Variants in GAS2 observed in about 807,000 individuals in gnomAD.
GAS2 encodes growth arrest-specific protein 2.
A neutral mutation model predicts 37.5 loss-of-function variants in GAS2; 20 were observed. The ratio of observed to expected loss-of-function variants is 0.53; its 90% CI spans 0.37 to 0.77. The LOEUF (loss-of-function observed/expected upper bound fraction) is 0.77. GAS2 is among the 30% of genes least tolerant of loss of function. GAS2 has a pLI of 0.00. For missense variants in GAS2, 336 were observed against 373.4 expected (o/e 0.90, Z 0.82); for synonymous variants, 144 against 132.2 (o/e 1.09, Z -0.61).
intron 2 of GAS2, among the ~76,000 whole-genome samples, chr11:22,678,468 C>T (rs531187588): frequency 1.3e-5 from 2 of 151,892 alleles, no homozygotes; most frequent in South Asian, 4.2e-4. Context: ...AGAGATAAAA[C>T]GTAAAAAACA....
In GAS2 at chr11:22,711,887, C is replaced by A. The variant is rs1353526245; in HGVS notation, c.268-14405C>A. On this transcript the variant is annotated intron_variant, in intron 3 of 7. Coordinates refer to ENST00000454584, the MANE Select transcript of GAS2 (RefSeq NM_001143830.3). ...AGAGTCTCAGCTCAAACCCACCTAACCCTGCCCCTACCTGATGGTTTTTCT... is the reference window on the plus strand; with the variant it reads ...AGAGTCTCAGCTCAAACCCACCTAAACCTGCCCCTACCTGATGGTTTTTCT... Among the ~76,000 whole-genome samples, 3 of 152,274 alleles carry A rather than the reference C, an allele frequency of 2.0e-5. No individual in the cohort carries two copies. In the East Asian group the frequency reaches 5.8e-4, roughly 29 times the overall value.
chr11:22,685,684 A>G lies in GAS2; in HGVS notation c.162A>G (p.Ala54=). The G allele has an allele frequency of 4.3e-6, 7 of 1,613,506 alleles. No individual in the cohort carries two copies. The highest frequency in any genetic ancestry group is 5.9e-6 in the Non-Finnish European group (7 of 1,179,788). Residue 54 remains alanine (A), a synonymous_variant, in exon 3 of 8, where the codon GCA becomes GCG. Coordinates refer to ENST00000454584, the MANE Select transcript of GAS2 (RefSeq NM_001143830.3). ...TTATTTCAGGGAAGGAGATTACAGC[A>G]GAAACTTTTATGGAGAAGTTGGACA... ...LTNLLGKEIT[A]ETFMEKLDNG... is the part of the protein sequence containing the mutation.
At chr11:22,651,178 A>G (rs1376236190) in intron 1 of GAS2, among the ~76,000 whole-genome samples, 1 of 151,228 alleles carries the variant, frequency 6.6e-6, no homozygotes, top group African/African-American at 2.4e-5. Context: ...TCACTTATGA[A>G]GCTTAGTTTG....
intron 3 of GAS2, among the ~76,000 whole-genome samples, chr11:22,694,228 T>C (rs1180639540): frequency 6.6e-6 from 1 of 152,168 alleles, no homozygotes; most frequent in East Asian, 1.9e-4. Context: ...GCCCCATGAT[T>C]AATAAACCAT....
rs751897279 is a variant in GAS2, at chr11:22,812,202, TAAAAG to T, written c.*191_*195del. 9 of 531,524 alleles carry T rather than the reference TAAAAG, an allele frequency of 1.7e-5. No individual in the cohort carries two copies. The highest frequency in any genetic ancestry group is 2.3e-5 in the Non-Finnish European group (7 of 303,522). 32.9% of individuals were successfully genotyped at this position (531,524 alleles called of 1,614,324 possible). A position where few individuals can be genotyped will look rare whatever the true frequency, so the allele number is the denominator to read the frequency against. On this transcript the variant is annotated 3_prime_UTR_variant, in exon 8 of 8. Transcript: ENST00000454584. Reference sequence around the variant, plus strand: ...AATGCTTCTGTAGAATATGACCTATTAAAAGAAAATCTAAACTCAAATTTAAATTA... The same window carrying T: ...AATGCTTCTGTAGAATATGACCTATTAAAATCTAAACTCAAATTTAAATTA...
intron 1 of GAS2, among the ~76,000 whole-genome samples, chr11:22,636,917 A>C (rs1858829883): frequency 7.3e-6 from 1 of 137,484 alleles, no homozygotes; most frequent in African/African-American, 2.6e-5. Context: ...ATATAATATA[A>C]AATATTTATA....
At chr11:22,787,966 A>G (rs1321643839) in intron 7 of GAS2, among the ~76,000 whole-genome samples, 1 of 152,180 alleles carries the variant, frequency 6.6e-6, no homozygotes, top group Non-Finnish European at 1.5e-5. Flanking sequence ...CTTAAGTGGA[A>G]TGGTTTATTG....
At chr11:22,708,772 G>C (rs1485668816) in intron 3 of GAS2, among the ~76,000 whole-genome samples, 1 of 152,170 alleles carries the variant, frequency 6.6e-6, no homozygotes, top group Non-Finnish European at 1.5e-5. Context: ...CAGCCTAAAA[G>C]GAAAGATAGT....
chr11:22,680,320 CT>C (rs1291478084), intron 2 of GAS2, among the ~76,000 whole-genome samples: 1 of 152,076 alleles, frequency 6.6e-6, no homozygotes, highest in Admixed American at 6.5e-5. Context: ...CCAGCTTGAT[CT>C]TTTTTGATAT....
intron 7 of GAS2, among the ~76,000 whole-genome samples, chr11:22,790,301 G>A (rs1198595173): frequency 1.3e-5 from 2 of 152,004 alleles, no homozygotes; most frequent in African/African-American, 2.4e-5. Flanking sequence ...TATCCCTCTC[G>A]CATTTGTGTA....
At chr11:22,650,075 A>C (rs985245118) in intron 1 of GAS2, among the ~76,000 whole-genome samples, 9 of 151,358 alleles carry the variant, frequency 5.9e-5, no homozygotes, top group African/African-American at 2.2e-4. Flanking sequence ...ATTTCCCTCT[A>C]CACACTGCTT....
chr11:22,709,988 A>G (rs1359959011), intron 3 of GAS2, among the ~76,000 whole-genome samples: 1 of 145,298 alleles, frequency 6.9e-6, no homozygotes, highest in Non-Finnish European at 1.5e-5. Flanking sequence ...CAGGAAGGGG[A>G]ACATCGCACT....
intron 3 of GAS2, among the ~76,000 whole-genome samples, chr11:22,704,982 T>A (rs985921230): frequency 6.6e-6 from 1 of 152,132 alleles, no homozygotes; most frequent in Non-Finnish European, 1.5e-5. Flanking sequence ...TACTAAGTAT[T>A]TACTTCGTGT....
intron 2 of GAS2, 133 bp downstream of exon 2, chr11:22,675,147 T>A: frequency 3.4e-6 from 3 of 878,090 alleles, no homozygotes; most frequent in Non-Finnish European, 5.0e-6. Context: ...CATTTGCATC[T>A]GGGAAACCTG....
At chr11:22,809,351 A>G (rs1857034519) in intron 7 of GAS2, among the ~76,000 whole-genome samples, 1 of 152,170 alleles carries the variant, frequency 6.6e-6, no homozygotes. Context: ...AGGGGCAAGG[A>G]GTCTGGCATT....
chr11:22,739,566 C>T (rs1271972148), intron 5 of GAS2, among the ~76,000 whole-genome samples: 2 of 64,940 alleles, frequency 3.1e-5, no homozygotes, highest in African/African-American at 1.2e-4. Context: ...GAGCAAGATT[C>T]GCTCTCAAAA....
rs34289288 is a variant in GAS2, at chr11:22,780,557, C to CAAAAA, written c.723+24619_723+24623dup. Reference sequence around the variant, plus strand: ...TGGGCAACAGAGCAAGACTCTGTCTCAAAAAAAAAAAAAAAAAAAGATTGT... The same window carrying CAAAAA: ...TGGGCAACAGAGCAAGACTCTGTCTCAAAAAAAAAAAAAAAAAAAAAAAAGATTGT... On this transcript the variant is annotated intron_variant, in intron 7 of 7. Transcript: ENST00000454584. 1.5e-3 allele frequency among the ~76,000 whole-genome samples: 131 copies of CAAAAA among 90,294 alleles called. 2 individuals carry two copies. Among genetic ancestry groups the CAAAAA allele is most frequent in the African/African-American group, 5.7e-3 (126 of 22,024 alleles). The allele number at this position is 90,294 out of a possible 152,430, so 59.2% of individuals were successfully genotyped here.
intron 6 of GAS2, among the ~76,000 whole-genome samples, chr11:22,751,816 T>A (rs1395970973): frequency 6.6e-6 from 1 of 151,922 alleles, no homozygotes; most frequent in Non-Finnish European, 1.5e-5. Context: ...AATACTCCAG[T>A]TCAGAAAAAG....
chr11:22,811,864 T>C lies in GAS2; in HGVS notation c.790T>C (p.Leu264=). ...CTGGGAAACTTTTGCAGGGTATTTG[T>C]TGAAACACGACCCCTGCCGAATGCT... The part of the protein sequence containing the change: ...GGWETFAGYL[L]KHDPCRMLQI... Residue 264 remains leucine (L), a synonymous_variant, in exon 8 of 8, where the codon TTG becomes CTG. Transcript: ENST00000454584. 1 of 1,614,162 alleles carries C rather than the reference T, an allele frequency of 6.2e-7. No homozygotes were observed. The highest frequency in any genetic ancestry group is 8.5e-7 in the Non-Finnish European group (1 of 1,179,998).
Sources: gnomAD v4.1 joint callset for allele counts (sites outside exome capture counted in the v4.1 genomes callset) on GRCh38, gnomAD v4.1.1 for gene constraint, MANE v1.5 for transcripts, NCBI Gene and HGNC (gene_info 2026-07-23, HGNC 2026-07-21) for gene names.